DNAH9: variants seen among roughly 807,000 people sequenced by gnomAD.
The protein encoded by DNAH9 is dynein axonemal heavy chain 9, also known as DNAH9 variant protein.
A neutral mutation model predicts 471.6 loss-of-function variants in DNAH9; 345 were observed. The ratio of observed to expected loss-of-function variants is 0.73; its 90% CI spans 0.67 to 0.80. The LOEUF is 0.80. Among genes scored for constraint, DNAH9 ranks in the 30% least tolerant of loss-of-function variants. DNAH9 has a pLI of 0.00. For missense variants in DNAH9, 5,407 were observed against 5,609.2 expected (o/e 0.96, Z 1.15); for synonymous variants, 2,093 against 2,123.6 (o/e 0.99, Z 0.40).
intron 8 of DNAH9, among the ~76,000 whole-genome samples, chr17:11,633,299 A>C (rs1272222972): frequency 6.6e-6 from 1 of 152,206 alleles, no homozygotes; most frequent in African/African-American, 2.4e-5. Flanking sequence ...TATTCTGTAA[A>C]GCTTTAAGGG....
intron 12 of DNAH9, 25 bp from the exon 13 acceptor site, chr17:11,651,044 C>A (rs1377815796): frequency 6.2e-7 from 1 of 1,608,244 alleles, no homozygotes; most frequent in Admixed American, 1.7e-5. Flanking sequence ...GAACGACAGA[C>A]ACTTGTGTTG....
At chr17:11,752,140 T>C (rs952190639) in intron 32 of DNAH9, among the ~76,000 whole-genome samples, 3 of 152,174 alleles carry the variant, frequency 2.0e-5, no homozygotes, top group African/African-American at 7.2e-5. Context: ...AAGTTTAATA[T>C]CATAAAAATC....
Position 11,694,460 on chromosome 17 carries a change from A to G in DNAH9, c.4872+13A>G. On this transcript the variant is annotated intron_variant, in intron 22 of 68. Transcript: ENST00000262442. ...AGCTCCACAACAGGTAAGCTGGAGG[A>G]GCATCTGCAGAAAGGTCTAGGAGGG... The G allele has an allele frequency of 6.2e-7, 1 of 1,612,816 alleles. No homozygotes were observed. Among genetic ancestry groups the G allele is most frequent in the Non-Finnish European group, 8.5e-7 (1 of 1,179,722 alleles).
At chr17:11,819,755 A>C (rs551278051) in intron 45 of DNAH9, among the ~76,000 whole-genome samples, 1 of 152,372 alleles carries the variant, frequency 6.6e-6, no homozygotes, top group African/African-American at 2.4e-5. Flanking sequence ...TTCCACTGGA[A>C]ATCAAGTCTC....
chr17:11,911,354 A>T (rs1973788215), intron 61 of DNAH9, among the ~76,000 whole-genome samples: 1 of 152,184 alleles, frequency 6.6e-6, no homozygotes, highest in South Asian at 2.1e-4. Flanking sequence ...GTAAGAGCTT[A>T]TTTCTGGACT....
rs7211691 is a variant in DNAH9 at position 11,874,839 on chromosome 17, G to A, written c.10243-110G>A. 341,688 of 788,008 alleles carry A rather than the reference G, an allele frequency of 0.43. 76,168 individuals are homozygous for A. Among genetic ancestry groups the A allele is most frequent in the Non-Finnish European group, 0.47 (220,795 of 468,448 alleles). The allele number at this position is 788,008 out of a possible 1,614,324, so 48.8% of individuals were successfully genotyped here. A position where few individuals can be genotyped will look rare whatever the true frequency, so the allele number is the denominator to read the frequency against. Reference sequence around the variant, plus strand: ...CCAGAAAGGCATTCTTCAGTGGGATGTTGATCTTGCTTTTAAAGGAGTTGT... The same window carrying A: ...CCAGAAAGGCATTCTTCAGTGGGATATTGATCTTGCTTTTAAAGGAGTTGT... On this transcript the variant is annotated intron_variant, in intron 52 of 68. Transcript: ENST00000262442.
rs1976237961 is a variant in DNAH9, at chr17:11,962,025, G to A, written c.13002G>A (p.Trp4334Ter). The A allele has an allele frequency of 1.9e-6, 3 of 1,614,052 alleles. No individual in the cohort carries two copies. Residue 4334 changes from tryptophan to a stop codon, truncating the protein, a stop_gained, in exon 68 of 69, where the codon TGG (tryptophan) becomes TGA (stop). Transcript: ENST00000262442. LOFTEE classifies it high-confidence loss of function. This position sits in a 1 kb window ranked among gnomAD's most constrained non-coding sequence, Gnocchi z 4.1. ...LLNRIKELEA[W>*]TGDFTMPSTV... is the part of the protein sequence containing the mutation. Reference sequence around the variant, plus strand: ...ACAGAATCAAGGAGCTAGAGGCTTGGACGGGTGACTTTACAATGCCCTCCA... The same window carrying A: ...ACAGAATCAAGGAGCTAGAGGCTTGAACGGGTGACTTTACAATGCCCTCCA...
intron 24 of DNAH9, among the ~76,000 whole-genome samples, chr17:11,702,792 G>T (rs2074623939): frequency 6.6e-6 from 1 of 152,034 alleles, no homozygotes; most frequent in Non-Finnish European, 1.5e-5. Context: ...AGTGGGAAAA[G>T]GTAGAAAGTA....
intron 17 of DNAH9, among the ~76,000 whole-genome samples, chr17:11,679,062 T>C (rs1435444336): frequency 6.6e-6 from 1 of 152,216 alleles, no homozygotes; most frequent in Non-Finnish European, 1.5e-5. Context: ...TGTATAATTT[T>C]GCTTGCTTGT....
At chr17:11,662,089 A>G (rs2073775793) in intron 14 of DNAH9, among the ~76,000 whole-genome samples, 1 of 152,104 alleles carries the variant, frequency 6.6e-6, no homozygotes, top group South Asian at 2.1e-4. Context: ...TTGGTACACA[A>G]TTGTGTTTAT....
At chr17:11,769,465 C>A in intron 38 of DNAH9, 136 bp downstream of exon 38, 1 of 715,222 alleles carries the variant, frequency 1.4e-6, no homozygotes, top group East Asian at 2.7e-5. Context: ...CTCCCACACG[C>A]CCCTTCTCAC....
intron 26 of DNAH9, among the ~76,000 whole-genome samples, chr17:11,706,667 T>C (rs536931526): frequency 1.3e-5 from 2 of 152,166 alleles, no homozygotes; most frequent in Non-Finnish European, 2.9e-5. Context: ...TCCAGTAGGA[T>C]TTAAATAGGT....
intron 28 of DNAH9, among the ~76,000 whole-genome samples, chr17:11,731,801 G>T (rs1033705507): frequency 3.4e-4 from 52 of 152,020 alleles, no homozygotes; most frequent in Admixed American, 2.1e-3. Flanking sequence ...GTCTATCATT[G>T]TTGGACATTT....
At chr17:11,747,390 A>G (rs191291118) in intron 31 of DNAH9, among the ~76,000 whole-genome samples, 166 bp from the exon 32 acceptor site, 3 of 152,270 alleles carry the variant, frequency 2.0e-5, no homozygotes, top group Non-Finnish European at 2.9e-5. Flanking sequence ...GAACAAATGA[A>G]TCATGTTGCC....
chr17:11,792,930 T>G (rs1443426364), intron 41 of DNAH9, among the ~76,000 whole-genome samples: 1 of 152,228 alleles, frequency 6.6e-6, no homozygotes, highest in Non-Finnish European at 1.5e-5. Flanking sequence ...TAATAATTAT[T>G]TCATGGGATC....
intron 43 of DNAH9, among the ~76,000 whole-genome samples, chr17:11,806,979 G>A (rs942197648): frequency 3.3e-5 from 5 of 152,140 alleles, no homozygotes; most frequent in Non-Finnish European, 7.3e-5. Flanking sequence ...CTGGAGGGCA[G>A]GAAGAGTGGT....
intron 61 of DNAH9, among the ~76,000 whole-genome samples, chr17:11,915,032 T>A (rs1444940710): frequency 6.6e-6 from 1 of 152,184 alleles, no homozygotes; most frequent in Non-Finnish European, 1.5e-5. Context: ...CTCCTAAATA[T>A]GCTTCAAATC....
chr17:11,598,817 G>T lies in DNAH9; in HGVS notation c.319G>T (p.Gly107Trp). The T allele has an allele frequency of 6.7e-7, 1 of 1,489,956 alleles. No individual in the cohort carries two copies. The highest frequency in any genetic ancestry group is 2.8e-5 in the East Asian group (1 of 35,758). 92.3% of individuals were successfully genotyped at this position (1,489,956 alleles called of 1,614,324 possible). The change falls in exon 1 of 69, where the codon GGG (glycine) becomes TGG (tryptophan). Residue 107 changes from glycine to tryptophan, a missense_variant. By Grantham distance (184) the Gly-to-Trp change is radical (BLOSUM62 -2). This residue lies in a region of DNAH9 where 767 missense variants were observed against 692.5 expected (regional missense o/e 1.11). Transcript: ENST00000262442. ...GAKALFFLRT[G>W]PEPPGPDSFR... Reference sequence around the variant, plus strand: ...TAAGGCGCTTTTTTTCCTTCGCACCGGGCCCGAGCCTCCAGGGCCCGACAG... The same window carrying T: ...TAAGGCGCTTTTTTTCCTTCGCACCTGGCCCGAGCCTCCAGGGCCCGACAG...
chr17:11,760,012 G>C (rs1223212857), intron 35 of DNAH9, among the ~76,000 whole-genome samples: 1 of 152,070 alleles, frequency 6.6e-6, no homozygotes, highest in Non-Finnish European at 1.5e-5. Flanking sequence ...AGTAGAGACA[G>C]GGTTTTGCCA....
Sources: allele counts gnomAD v4.1 joint callset (sites outside exome capture counted in the v4.1 genomes callset), GRCh38; gene constraint gnomAD v4.1.1; regional missense constraint gnomAD v4.1.1; non-coding constraint Gnocchi (gnomAD v3.1); transcripts MANE v1.5; gene names NCBI Gene and HGNC (gene_info 2026-07-23, HGNC 2026-07-21).